Variants in FSBP observed in about 807,000 individuals in gnomAD.
FSBP encodes fibrinogen silencer binding protein.
FSBP carries 18 observed loss-of-function variants against 24.6 expected under a neutral mutation model. The observed-to-expected ratio is 0.73, with a 90% confidence interval of 0.51 to 1.08. The LOEUF (loss-of-function observed/expected upper bound fraction) is 1.08. FSBP is among the 50% of genes least tolerant of loss of function. The probability of loss-of-function intolerance (pLI) is 0.00; values close to 1 mark genes in which losing one functional copy is unlikely to be tolerated. For synonymous variants in FSBP, 110 were observed against 125.8 expected, an observed-to-expected ratio of 0.87 and a Z score of 0.84; for missense variants, 305 against 347.6, an observed-to-expected ratio of 0.88 and a Z score of 0.98.
At position 94,432,162 on chromosome 8, in the gene FSBP, C is replaced by A. The variant is rs765600713; in HGVS notation, c.869G>T (p.Arg290Leu). Residue 290 changes from arginine to leucine, a missense_variant, in exon 2 of 2, where the codon CGG becomes CTG. By Grantham distance (102) the Arg-to-Leu change is moderately radical (BLOSUM62 -2). Coordinates refer to ENST00000481490, the MANE Select transcript of FSBP (RefSeq NM_001256141.2). ...EVEKLKAIRL[R>L]HDLPEYNSL The stretch of plus-strand genomic sequence containing the variant: ...ACTGTTATATTCAGGTAGATCATGC[C>A]GTAAGCGAATTGCTTTCAGCTTCTC... The A allele has an allele frequency of 5.2e-6, 8 of 1,549,986 alleles. No individual in the cohort carries two copies. The highest frequency in any genetic ancestry group is 7.0e-6 in the Non-Finnish European group (8 of 1,146,780).
chr8:94,430,070 T>C lies in FSBP; in HGVS notation c.*2061A>G, dbSNP rs1362921174. 3 of 956,078 alleles carry C rather than the reference T, an allele frequency of 3.1e-6. No homozygotes were observed. Among genetic ancestry groups the C allele is most frequent in the African/African-American group, 3.5e-5 (2 of 56,506 alleles). 59.2% of individuals were successfully genotyped at this position (956,078 alleles called of 1,614,324 possible). Reference sequence around the variant, plus strand: ...GGCTCAAGCCTGTAATCCCAGCACTTTGGGAGGCCGAGGCGGGCAGATCAC... The same window carrying C: ...GGCTCAAGCCTGTAATCCCAGCACTCTGGGAGGCCGAGGCGGGCAGATCAC... On this transcript the variant is annotated 3_prime_UTR_variant, in exon 2 of 2. Transcript: ENST00000481490.
chr8:94,435,422 C>G (rs1812229048), intron 1 of FSBP, among the ~76,000 whole-genome samples: 2 of 152,020 alleles, frequency 1.3e-5, no homozygotes, highest in Non-Finnish European at 2.9e-5. Flanking sequence ...TGCTTCTCTC[C>G]TAATTTCAAA....
chr8:94,428,192 T>G lies in FSBP; in HGVS notation c.*3939A>C. On this transcript the variant is annotated 3_prime_UTR_variant, in exon 2 of 2. Coordinates refer to ENST00000481490, the MANE Select transcript of FSBP (RefSeq NM_001256141.2). Reference sequence around the variant, plus strand: ...TATTGGATGAAATAATCTATATACTTAGTATATTTATCAAATGTAGTATAT... The same window carrying G: ...TATTGGATGAAATAATCTATATACTGAGTATATTTATCAAATGTAGTATAT... 1 of 836,070 alleles carries G rather than the reference T, an allele frequency of 1.2e-6. No individual in the cohort carries two copies. The highest frequency in any genetic ancestry group is 1.4e-6 in the Non-Finnish European group (1 of 693,980). The allele number at this position is 836,070 out of a possible 1,614,324, so 51.8% of individuals were successfully genotyped here.
At chr8:94,436,014 T>C (rs988495441) in intron 1 of FSBP, among the ~76,000 whole-genome samples, 1 of 152,136 alleles carries the variant, frequency 6.6e-6, no homozygotes, top group Non-Finnish European at 1.5e-5. Flanking sequence ...TTGTTTATAT[T>C]TGTTAGTTAA....
chr8:94,429,527 T>A lies in FSBP; in HGVS notation c.*2604A>T. The A allele has an allele frequency of 5.1e-6, 5 of 984,690 alleles. No individual in the cohort carries two copies. The highest frequency in any genetic ancestry group is 1.7e-5 in the African/African-American group (1 of 57,346). 61.0% of individuals were successfully genotyped at this position (984,690 alleles called of 1,614,324 possible). A position where few individuals can be genotyped will look rare whatever the true frequency, so the allele number is the denominator to read the frequency against. On this transcript the variant is annotated 3_prime_UTR_variant, in exon 2 of 2. Coordinates refer to ENST00000481490, the MANE Select transcript of FSBP (RefSeq NM_001256141.2). The stretch of plus-strand genomic sequence containing the variant: ...CATTCATTATCAATTCTTAGTAGCA[T>A]GCTGAAACTGTAAAGTGAATTACAT...
rs894511932 is a variant in FSBP, at chr8:94,431,118, G to C, written c.*1013C>G. 1.0e-6 allele frequency: 1 copy of C among 953,186 alleles called. No individual in the cohort carries two copies. Among genetic ancestry groups the C allele is most frequent in the Admixed American group, 6.2e-5 (1 of 16,222 alleles). 59.0% of individuals were successfully genotyped at this position (953,186 alleles called of 1,614,324 possible). On this transcript the variant is annotated 3_prime_UTR_variant, in exon 2 of 2. Coordinates refer to ENST00000481490, the MANE Select transcript of FSBP (RefSeq NM_001256141.2). ...ATTCTTAAGTAACATACATATTAGA[G>C]ATTTAATATAAATTTAATATGTATG...
At chr8:94,435,359 C>T (rs1333223346) in intron 1 of FSBP, among the ~76,000 whole-genome samples, 1 of 151,982 alleles carries the variant, frequency 6.6e-6, no homozygotes, top group African/African-American at 2.4e-5. Flanking sequence ...AAAATACTTT[C>T]CTAGTAAATT....
At chr8:94,435,680 A>C (rs1812236193) in intron 1 of FSBP, among the ~76,000 whole-genome samples, 1 of 152,138 alleles carries the variant, frequency 6.6e-6, no homozygotes, top group Admixed American at 6.5e-5. Context: ...CATAGAAGAC[A>C]AGTTTAACCA....
chr8:94,434,291 C>T (rs1308974797), intron 1 of FSBP, among the ~76,000 whole-genome samples: 1 of 151,736 alleles, frequency 6.6e-6, no homozygotes, highest in Non-Finnish European at 1.5e-5. Context: ...ATATCTGGAA[C>T]ATTCCTTTCC....
Position 94,429,129 on chromosome 8 carries a change from T to C in FSBP, c.*3002A>G. 1.0e-6 allele frequency: 1 copy of C among 984,230 alleles called. No individual in the cohort carries two copies. The highest frequency in any genetic ancestry group is 1.2e-6 in the Non-Finnish European group (1 of 828,818). 61.0% of individuals were successfully genotyped at this position (984,230 alleles called of 1,614,324 possible). A position where few individuals can be genotyped will look rare whatever the true frequency, so the allele number is the denominator to read the frequency against. On this transcript the variant is annotated 3_prime_UTR_variant, in exon 2 of 2. Transcript: ENST00000481490. ...GTTGCTGCAGTAAACTCAAAGAGTG[T>C]GATTCTGGTGTTTAAAAATATGTAA... is the stretch of plus-strand genomic sequence containing the variant.
chr8:94,432,793 A>T (rs1812147037), intron 1 of FSBP, 137 bp from the exon 2 acceptor site: 2 of 1,148,312 alleles, frequency 1.7e-6, no homozygotes, highest in Admixed American at 3.5e-5. Flanking sequence ...AAAAAATCTT[A>T]AACACTTGAA....
At chr8:94,435,508 T>A (rs1327600503) in intron 1 of FSBP, among the ~76,000 whole-genome samples, 1 of 152,134 alleles carries the variant, frequency 6.6e-6, no homozygotes, top group African/African-American at 2.4e-5. Context: ...TGTAAAGCTT[T>A]GTTTGAAAGG....
At chr8:94,432,710 A>AT in intron 1 of FSBP, 54 bp from the exon 2 acceptor site, 1 of 1,404,192 alleles carries the variant, frequency 7.1e-7, no homozygotes, top group Non-Finnish European at 9.3e-7. Flanking sequence ...GAAAAAGTGT[A>AT]TATTTATAGC....
At chr8:94,433,773 G>A (rs1812184961) in intron 1 of FSBP, among the ~76,000 whole-genome samples, 1 of 151,448 alleles carries the variant, frequency 6.6e-6, no homozygotes, top group Non-Finnish European at 1.5e-5. Context: ...CATTGAACAT[G>A]AATGGAAATA....
intron 1 of FSBP, among the ~76,000 whole-genome samples, chr8:94,433,875 C>G (rs947860293): frequency 6.6e-6 from 1 of 151,572 alleles, no homozygotes; most frequent in Non-Finnish European, 1.5e-5. Flanking sequence ...AATGCTGGAA[C>G]AAGTTCAAGC....
chr8:94,434,676 CAAAT>C (rs1362040766), intron 1 of FSBP, among the ~76,000 whole-genome samples: 2 of 150,994 alleles, frequency 1.3e-5, no homozygotes, highest in Admixed American at 6.6e-5. Flanking sequence ...TGATATCAAT[CAAAT>C]AAATATAAGC....
At position 94,432,194 on chromosome 8, in the gene FSBP, A is replaced by G. The variant is rs1264929597; in HGVS notation, c.837T>C (p.Ile279=). 6.5e-7 allele frequency: 1 copy of G among 1,550,040 alleles called. No individual in the cohort carries two copies. The highest frequency in any genetic ancestry group is 1.4e-5 in the African/African-American group (1 of 72,970). ...QLEEELLRAK[I]EVEKLKAIRL... ...GAATTGCTTTCAGCTTCTCCACTTC[A>G]ATTTTTGCTCTTAGTAGCTCTTCCT... The change falls in exon 2 of 2, where the codon ATT becomes ATC. Residue 279 remains isoleucine (I), a synonymous_variant. Transcript: ENST00000481490.
At chr8:94,433,781 ATACT>A (rs1166901967) in intron 1 of FSBP, among the ~76,000 whole-genome samples, 1 of 151,864 alleles carries the variant, frequency 6.6e-6, no homozygotes, top group Non-Finnish European at 1.5e-5. Context: ...ATGAATGGAA[ATACT>A]TTATTTAATA....
In FSBP at chr8:94,436,691, G is replaced by A. The variant is rs1045405614; in HGVS notation, c.178C>T (p.Arg60Cys). 3.2e-5 allele frequency: 50 copies of A among 1,550,338 alleles called. No individual in the cohort carries two copies. The highest frequency in any genetic ancestry group is 4.2e-5 in the Non-Finnish European group (48 of 1,146,932). Residue 60 changes from arginine to cysteine, a missense_variant, in exon 1 of 2, where the codon CGC becomes TGC. Coordinates refer to ENST00000481490, the MANE Select transcript of FSBP (RefSeq NM_001256141.2). The part of the protein sequence containing the change: ...AVNYNAIGVD[R>C]PPRTAQGLRT... ...AGGCCCTGTGCTGTTCGAGGAGGGC[G>A]GTCTACTCCAATTGCATTATAGTTA...
Sources: gnomAD v4.1 joint callset for allele counts (sites outside exome capture counted in the v4.1 genomes callset) on GRCh38, gnomAD v4.1.1 for gene constraint, MANE v1.5 for transcripts, NCBI Gene and HGNC (gene_info 2026-07-23, HGNC 2026-07-21) for gene names.